The following ASXL2 variants were observed in gnomAD, a reference collection of about 807,000 sequenced individuals.
ASXL2 encodes ASXL transcriptional regulator 2, also known as putative Polycomb group protein ASXL2.
Under a neutral mutation model 122.0 loss-of-function variants are expected in ASXL2, and 23 were observed. The observed-to-expected ratio is 0.19, with a 90% CI of 0.14 to 0.27. ASXL2 has a LOEUF of 0.27. Among genes scored for constraint, ASXL2 ranks in the 10% least tolerant of loss-of-function variants. The pLI is 1.00. For synonymous variants in ASXL2, 650 were observed against 637.0 expected, an observed-to-expected ratio of 1.02 and a Z score of -0.31; for missense variants, 1,518 against 1,713.8, an observed-to-expected ratio of 0.89 and a Z score of 2.02.
intron 3 of ASXL2, among the ~76,000 whole-genome samples, chr2:25,825,641 T>TC (rs1553702952): frequency 2.0e-5 from 3 of 152,226 alleles, no homozygotes; most frequent in Non-Finnish European, 4.4e-5. Context: ...AAGCTGAATA[T>TC]TCCATTGAAT....
At chr2:25,755,201 T>G (rs935041355) in intron 10 of ASXL2, among the ~76,000 whole-genome samples, 2 of 152,210 alleles carry the variant, frequency 1.3e-5, no homozygotes, top group Non-Finnish European at 2.9e-5. Flanking sequence ...TGTCTGCATA[T>G]TAGAATCGTT....
At chr2:25,780,009 AG>A (rs2088607893) in intron 5 of ASXL2, among the ~76,000 whole-genome samples, 1 of 152,186 alleles carries the variant, frequency 6.6e-6, no homozygotes, top group African/African-American at 2.4e-5. Context: ...CTGGGATTAC[AG>A]GTGCCCACCA....
At chr2:25,845,041 T>C (rs999306830) in intron 2 of ASXL2, among the ~76,000 whole-genome samples, 8 of 152,244 alleles carry the variant, frequency 5.3e-5, no homozygotes, top group Admixed American at 3.9e-4. Context: ...AAGACTATTA[T>C]TTGACATATA....
chr2:25,737,127 T>G lies in ASXL2; in HGVS notation c.*4902A>C, dbSNP rs769251360. On this transcript the variant is annotated 3_prime_UTR_variant, in exon 13 of 13. Transcript: ENST00000435504. ...CAAGGCACAGGTGTTTCTCTTCACATTATTTTCCTTGCTCTTTGACCTCTC... is the reference window on the plus strand; with the variant it reads ...CAAGGCACAGGTGTTTCTCTTCACAGTATTTTCCTTGCTCTTTGACCTCTC... 6.6e-6 allele frequency: 1 copy of G among 152,090 alleles called. No homozygotes were observed. The highest frequency in any genetic ancestry group is 1.5e-5 in the Non-Finnish European group (1 of 68,034). The allele number at this position is 152,090 out of a possible 1,614,324, so 9.4% of individuals were successfully genotyped here.
rs1295513836 is a variant in ASXL2 at position 25,735,658 on chromosome 2, C to T, written c.*6371G>A. 1 of 152,138 alleles carries T rather than the reference C, an allele frequency of 6.6e-6. No individual in the cohort carries two copies. Among genetic ancestry groups the T allele is most frequent in the Non-Finnish European group, 1.5e-5 (1 of 68,000 alleles). 9.4% of individuals were successfully genotyped at this position (152,138 alleles called of 1,614,324 possible). A position where few individuals can be genotyped will look rare whatever the true frequency, so the allele number is the denominator to read the frequency against. ...ACTGTGTTTGAAAGGGTTAGTTTAA[C>T]AAAACACTAACTTACTGACCTAAAT... On this transcript the variant is annotated 3_prime_UTR_variant, in exon 13 of 13. Coordinates refer to ENST00000435504, the MANE Select transcript of ASXL2 (RefSeq NM_018263.6).
At chr2:25,869,186 C>T (rs2089939099) in intron 1 of ASXL2, among the ~76,000 whole-genome samples, 1 of 151,454 alleles carries the variant, frequency 6.6e-6, no homozygotes, top group African/African-American at 2.4e-5. Flanking sequence ...AAAAATTAGC[C>T]AGGCATGGTG....
At chr2:25,869,268 C>T (rs983489940) in intron 1 of ASXL2, among the ~76,000 whole-genome samples, 2 of 151,754 alleles carry the variant, frequency 1.3e-5, no homozygotes, top group Admixed American at 1.3e-4. Flanking sequence ...GAGGTCAAGG[C>T]TGCAGTCAGC....
intron 11 of ASXL2, among the ~76,000 whole-genome samples, chr2:25,751,093 G>T (rs1383805464): frequency 6.6e-6 from 1 of 152,130 alleles, no homozygotes; most frequent in African/African-American, 2.4e-5. Flanking sequence ...CCATAATGTG[G>T]CTTGGCTAAA....
rs114327437 is a variant in ASXL2, at chr2:25,784,809, T to G, written c.404-13269A>C. ...ACCCTACTACAGTATGACTTCATCTTAACTAATTAACTCTACAACAGCTCT... is the reference window on the plus strand; with the variant it reads ...ACCCTACTACAGTATGACTTCATCTGAACTAATTAACTCTACAACAGCTCT... On this transcript the variant is annotated intron_variant, in intron 5 of 12. Coordinates refer to ENST00000435504, the MANE Select transcript of ASXL2 (RefSeq NM_018263.6). Among the ~76,000 whole-genome samples the G allele has an allele frequency of 2.4e-3, 362 of 152,362 alleles. 2 individuals are homozygous for G. Among genetic ancestry groups the G allele is most frequent in the African/African-American group, 8.3e-3 (345 of 41,586 alleles).
intron 3 of ASXL2, among the ~76,000 whole-genome samples, chr2:25,816,705 T>C (rs902995575): frequency 3.3e-5 from 5 of 152,166 alleles, no homozygotes; most frequent in Admixed American, 6.5e-5. Context: ...GCAAGCACTA[T>C]ATAATGAAGG....
rs559547489 is a variant in ASXL2 at position 25,861,738 on chromosome 2, A to G, written c.58-16175T>C. ...GTCAGCCACGTATTTTCAACTTAGG[A>G]TATCTTCAATTTACAATAAGCCTCT... On this transcript the variant is annotated intron_variant, in intron 1 of 12. Coordinates refer to ENST00000435504, the MANE Select transcript of ASXL2 (RefSeq NM_018263.6). Among the ~76,000 whole-genome samples the G allele has an allele frequency of 5.3e-5, 8 of 152,344 alleles. No individual in the cohort carries two copies. The South Asian group carries it at 1.4e-3, about 28-fold the overall frequency.
At chr2:25,747,500 G>A (rs1175536078) in intron 12 of ASXL2, among the ~76,000 whole-genome samples, 1 of 151,956 alleles carries the variant, frequency 6.6e-6, no homozygotes, top group South Asian at 2.1e-4. Flanking sequence ...GGAGATGAGG[G>A]AGAAGAAAGG....
At chr2:25,856,579 C>T (rs2089781498) in intron 1 of ASXL2, 17 of 1,173,908 alleles carry the variant, frequency 1.4e-5, no homozygotes, top group South Asian at 7.3e-5. Context: ...GGGTAGGGGG[C>T]GCCAGTCTTG....
intron 5 of ASXL2, among the ~76,000 whole-genome samples, chr2:25,788,277 C>T (rs1408649602): frequency 6.6e-6 from 1 of 152,188 alleles, no homozygotes; most frequent in East Asian, 1.9e-4. Flanking sequence ...AAAATGTGCA[C>T]ACGCACATGC....
chr2:25,804,711 T>G (rs1205273916), intron 4 of ASXL2, among the ~76,000 whole-genome samples: 1 of 152,192 alleles, frequency 6.6e-6, no homozygotes, highest in Non-Finnish European at 1.5e-5. Flanking sequence ...AAGTGAAAAG[T>G]TATTGATAAG....
intron 2 of ASXL2, among the ~76,000 whole-genome samples, chr2:25,841,267 G>C (rs1024357740): frequency 6.6e-6 from 1 of 152,198 alleles, no homozygotes; most frequent in African/African-American, 2.4e-5. Flanking sequence ...CTGCACTCCA[G>C]CCTGGGTTAC....
Position 25,742,180 on chromosome 2 carries a change from G to A in ASXL2, c.4157C>T (p.Ala1386Val), listed in dbSNP as rs780551383. ...CTCTATGCTGTTCTCTTCGGAGAACGCCTGAACAGGAATGGTCTGGCCATG... is the reference window on the plus strand; with the variant it reads ...CTCTATGCTGTTCTCTTCGGAGAACACCTGAACAGGAATGGTCTGGCCATG... ...SSHGQTIPVQ[A>V]FSEENSIEGT... The change falls in exon 13 of 13, where the codon GCG becomes GTG. Residue 1386 changes from alanine to valine, a missense_variant. Physicochemically the swap from Ala to Val is moderately conservative, Grantham distance 64 (BLOSUM62 0). Transcript: ENST00000435504. The A allele has an allele frequency of 6.2e-6, 10 of 1,614,028 alleles. No individual in the cohort carries two copies. Among genetic ancestry groups the A allele is most frequent in the Non-Finnish European group, 8.5e-6 (10 of 1,179,896 alleles).
chr2:25,767,428 GTAAT>G (rs1011995683), intron 8 of ASXL2, among the ~76,000 whole-genome samples, 151 bp downstream of exon 8: 11 of 152,178 alleles, frequency 7.2e-5, no homozygotes, highest in African/African-American at 2.2e-4. Context: ...TTTCTTAACA[GTAAT>G]TATGTTAGCA....
chr2:25,755,538 T>C (rs1337167596), intron 10 of ASXL2, among the ~76,000 whole-genome samples: 1 of 152,214 alleles, frequency 6.6e-6, no homozygotes, highest in East Asian at 1.9e-4. Context: ...TTATATGAAA[T>C]ATACCTTAAT....
Sources: allele counts gnomAD v4.1 joint callset (sites outside exome capture counted in the v4.1 genomes callset), GRCh38; gene constraint gnomAD v4.1.1; transcripts MANE v1.5; gene names NCBI Gene and HGNC (gene_info 2026-07-23, HGNC 2026-07-21).